ERI1: variants seen among roughly 807,000 people sequenced by gnomAD.
ERI1 encodes the protein exoribonuclease 1, also known as 3'-5' exoribonuclease 1.
Under a neutral mutation model 39.7 loss-of-function variants are expected in ERI1, and 39 were observed. The ratio of observed to expected loss-of-function variants is 0.98; its 90% CI spans 0.76 to 1.28. The LOEUF (loss-of-function observed/expected upper bound fraction) is 1.28. Among genes scored for constraint, ERI1 ranks in the 50% most tolerant of loss-of-function variants. The probability of loss-of-function intolerance (pLI) is 0.00; values close to 1 mark genes in which losing one functional copy is unlikely to be tolerated. For synonymous variants in ERI1, 204 were observed against 149.6 expected, an observed-to-expected ratio of 1.36 and a Z score of -2.65; for missense variants, 581 against 416.9, an observed-to-expected ratio of 1.39 and a Z score of -3.43.
chr8:9,065,678 G>C (rs1318402834), intron 3 of ERI1, among the ~76,000 whole-genome samples: 4 of 113,058 alleles, frequency 3.5e-5, no homozygotes, highest in African/African-American at 1.4e-4. Context: ...CTGGGCAACA[G>C]AGCGAGACTC....
intron 3 of ERI1, among the ~76,000 whole-genome samples, chr8:9,062,105 A>G (rs963225076): frequency 7.9e-5 from 12 of 152,176 alleles, no homozygotes; most frequent in African/African-American, 2.9e-4. Context: ...AGGGGAGTTT[A>G]TAGGCTTTAA....
chr8:9,052,417 C>G (rs935936159), intron 3 of ERI1, among the ~76,000 whole-genome samples: 3 of 152,142 alleles, frequency 2.0e-5, no homozygotes, highest in African/African-American at 7.2e-5. Context: ...GAACAGTCAC[C>G]TCCTATTCTG....
chr8:9,005,106 T>G (rs550078475), intron 1 of ERI1, among the ~76,000 whole-genome samples: 25 of 152,360 alleles, frequency 1.6e-4, no homozygotes, highest in African/African-American at 5.3e-4. Context: ...CATATTTATA[T>G]TTTTAATAAG....
rs113321333 is a variant in ERI1 at position 9,021,493 on chromosome 8, C to T, written c.807+1029C>T. Among the ~76,000 whole-genome samples, 1,281 of 152,250 alleles carry T rather than the reference C, an allele frequency of 8.4e-3. 28 individuals are homozygous for T. The South Asian group carries it at 0.092, about 11-fold the overall frequency. Reference sequence around the variant, plus strand: ...TCATGAGAAAAGGTGCTTTTCCTTACAGACTCTTCTGTTTTAACAGTCTTT... The same window carrying T: ...TCATGAGAAAAGGTGCTTTTCCTTATAGACTCTTCTGTTTTAACAGTCTTT... On this transcript the variant is annotated intron_variant, in intron 6 of 6. Coordinates refer to ENST00000250263, the MANE Select transcript of ERI1 (RefSeq NM_153332.4).
chr8:9,003,088 C>G lies in ERI1; in HGVS notation c.25C>G (p.Pro9Ala). 2 of 1,248,228 alleles carry G rather than the reference C, an allele frequency of 1.6e-6. No homozygotes were observed. Among genetic ancestry groups the G allele is most frequent in the Non-Finnish European group, 2.0e-6 (2 of 989,246 alleles). The allele number at this position is 1,248,228 out of a possible 1,614,324, so 77.3% of individuals were successfully genotyped here. ...CATGGAGGATCCACAGAGTAAAGAG[C>G]CTGCCGGCGAGGCCGTGGCTCTCGC... The part of the protein sequence containing the change: MEDPQSKE[P>A]AGEAVALALL... The change falls in exon 1 of 7, where the codon CCT becomes GCT. Residue 9 changes from proline to alanine, a missense_variant. Physicochemically the swap from Pro to Ala is conservative, Grantham distance 27 (BLOSUM62 -1). Transcript: ENST00000250263.
At chr8:9,050,592 C>T (rs142476428) in intron 3 of ERI1, among the ~76,000 whole-genome samples, 23 of 152,180 alleles carry the variant, frequency 1.5e-4, no homozygotes, top group African/African-American at 5.3e-4. Flanking sequence ...TCTGAGTCCT[C>T]ATTGGGAACG....
intron 1 of ERI1, among the ~76,000 whole-genome samples, chr8:9,006,578 T>C (rs1816043774): frequency 6.6e-6 from 1 of 152,208 alleles, no homozygotes; most frequent in South Asian, 2.1e-4. Flanking sequence ...AAATTTAAAG[T>C]CAAAAGATAA....
At position 9,023,299 on chromosome 8, in the gene ERI1, C is replaced by G. The variant is rs1341611482; in HGVS notation, c.807+2835C>G. On this transcript the variant is annotated intron_variant, in intron 6 of 6. Transcript: ENST00000250263. ...TCCTGGAATGTGGTTTCAGAGGTGT[C>G]TCTGTCTTTTGTATTTCATGTCAGT... is the stretch of plus-strand genomic sequence containing the variant. Among the ~76,000 whole-genome samples the G allele has an allele frequency of 3.6e-4, 55 of 152,064 alleles. 2 individuals carry two copies. Among genetic ancestry groups the G allele is most frequent in the Admixed American group, 3.5e-3 (54 of 15,258 alleles).
intron 6 of ERI1, among the ~76,000 whole-genome samples, chr8:9,022,035 G>GGA (rs1383855333): frequency 2.6e-5 from 4 of 151,534 alleles, no homozygotes; most frequent in Admixed American, 2.6e-4. Flanking sequence ...CTGGGTCATG[G>GGA]GATATGTACA....
At chr8:9,034,309 C>A (rs1314124593), downstream of ERI1, among the ~76,000 whole-genome samples, 2 of 152,244 alleles carry the variant, frequency 1.3e-5, no homozygotes, top group Non-Finnish European at 2.9e-5. Context: ...AGGCATGCTT[C>A]ATTTTATTGC....
intron 6 of ERI1, among the ~76,000 whole-genome samples, chr8:9,026,049 A>T (rs1221706443): frequency 1.3e-5 from 2 of 152,168 alleles, no homozygotes; most frequent in African/African-American, 4.8e-5. Flanking sequence ...TCCTGATGCT[A>T]CCAATAAGCA....
At chr8:9,034,395 C>A (rs941611990), downstream of ERI1, among the ~76,000 whole-genome samples, 2 of 152,164 alleles carry the variant, frequency 1.3e-5, no homozygotes, top group African/African-American at 4.8e-5. Flanking sequence ...TGTGTGAATC[C>A]TGTGTGGAGA....
chr8:9,050,100 T>C (rs1336185193), intron 3 of ERI1, among the ~76,000 whole-genome samples: 1 of 151,810 alleles, frequency 6.6e-6, no homozygotes, highest in Non-Finnish European at 1.5e-5. Context: ...CTCACAGTGA[T>C]GTTTTAAGGA....
downstream of ERI1, among the ~76,000 whole-genome samples, chr8:9,037,350 TTTTGTTAAAGACCTGCTG>T (rs1797885782): frequency 6.6e-6 from 1 of 152,202 alleles, no homozygotes; most frequent in Non-Finnish European, 1.5e-5. Context: ...CTTGATTCTG[TTTTGTTAAAGACCTGCTG>T]TGATTTCAGC....
chr8:9,007,963 TTGGTA>T lies in ERI1; in HGVS notation c.109-6_109-2del. ...TTTTTTTTTTTTTTTTTTTTTTTTTTTGGTAGGAAACTCAACAGTGTAAATTTGAT... is the reference window on the plus strand; with the variant it reads ...TTTTTTTTTTTTTTTTTTTTTTTTTTGGAAACTCAACAGTGTAAATTTGAT... On this transcript the variant is annotated splice_acceptor_variant and splice_polypyrimidine_tract_variant and intron_variant, in intron 1 of 6. Coordinates refer to ENST00000250263, the MANE Select transcript of ERI1 (RefSeq NM_153332.4). LOFTEE classifies it high-confidence loss of function. 2.0e-6 allele frequency: 2 copies of T among 976,576 alleles called. No homozygotes were observed. Among genetic ancestry groups the T allele is most frequent in the Non-Finnish European group, 2.8e-6 (2 of 710,022 alleles). 60.5% of individuals were successfully genotyped at this position (976,576 alleles called of 1,614,324 possible).
intron 3 of ERI1, among the ~76,000 whole-genome samples, chr8:9,052,536 C>T (rs556371278): frequency 7.9e-5 from 12 of 152,208 alleles, no homozygotes; most frequent in African/African-American, 2.6e-4. Context: ...CACTATTACC[C>T]GTGAACGAAT....
chr8:9,076,906 A>T (rs1799227638), intron 3 of ERI1, among the ~76,000 whole-genome samples: 2 of 152,206 alleles, frequency 1.3e-5, no homozygotes, highest in Admixed American at 6.5e-5. Context: ...GATTTAGAAG[A>T]TAGAGATTTA....
downstream of ERI1, among the ~76,000 whole-genome samples, chr8:9,034,507 C>T (rs576762652): frequency 2.2e-4 from 33 of 152,248 alleles, no homozygotes; most frequent in African/African-American, 7.5e-4. Context: ...TATTATCTCT[C>T]TTAGGGTGAT....
intron 6 of ERI1, among the ~76,000 whole-genome samples, chr8:9,025,487 T>G (rs1482496738): frequency 6.6e-6 from 1 of 152,372 alleles, no homozygotes; most frequent in African/African-American, 2.4e-5. Context: ...CAGCAAAATC[T>G]GGCCTTTTTG....
Sources: gnomAD v4.1 joint callset for allele counts (sites outside exome capture counted in the v4.1 genomes callset) on GRCh38, gnomAD v4.1.1 for gene constraint, MANE v1.5 for transcripts, NCBI Gene and HGNC (gene_info 2026-07-23, HGNC 2026-07-21) for gene names.